The following NAV1 variants were observed in gnomAD, a reference collection of about 807,000 sequenced individuals.
NAV1 encodes neuron navigator 1.
NAV1 carries 18 observed loss-of-function variants against 175.2 expected under a neutral mutation model. The ratio of observed to expected loss-of-function variants is 0.10; its 90% CI spans 0.07 to 0.15. NAV1 has a LOEUF of 0.15. Among genes scored for constraint, NAV1 ranks in the 10% least tolerant of loss-of-function variants. The probability of loss-of-function intolerance (pLI) is 1.00; values close to 1 mark genes in which losing one functional copy is unlikely to be tolerated. For missense variants in NAV1, 1,731 were observed against 2,436.6 expected (o/e 0.71, Z 6.10); for synonymous variants, 897 against 978.7 (o/e 0.92, Z 1.56).
At chr1:201,724,874 C>A (rs923836515) in intron 3 of NAV1, 13 of 152,714 alleles carry the variant, frequency 8.5e-5, no homozygotes, top group African/African-American at 2.9e-4. Context: ...CTTGGGGGCT[C>A]AGAACAGATG....
Position 201,789,745 on chromosome 1 carries a change from G to A in NAV1, c.3172G>A (p.Gly1058Ser), listed in dbSNP as rs755667365. Reference sequence around the variant, plus strand: ...GTGTTCTCCTTCTCTTTCAGTTCACGGCTCAGTGCTGTCCCTGGCCTCCAG... The same window carrying A: ...GTGTTCTCCTTCTCTTTCAGTTCACAGCTCAGTGCTGTCCCTGGCCTCCAG... Residue 1058 changes from glycine (G) to serine (S), a missense_variant, in exon 11 of 30, where the codon GGC (glycine) becomes AGC (serine). Gly to Ser is a moderately conservative substitution (Grantham distance 56). Around this residue, in one of 13 missense-constraint regions of NAV1, gnomAD observed 85 missense variants for 168.7 expected, o/e 0.50. Coordinates refer to ENST00000367296, the Ensembl canonical transcript of NAV1. 6.2e-7 allele frequency: 1 copy of A among 1,613,988 alleles called. No individual in the cohort carries two copies. The highest frequency in any genetic ancestry group is 8.5e-7 in the Non-Finnish European group (1 of 1,179,964).
chr1:201,735,773 T>C (rs1336517416), intron 3 of NAV1, among the ~76,000 whole-genome samples: 3 of 152,220 alleles, frequency 2.0e-5, no homozygotes, highest in Admixed American at 2.0e-4. Flanking sequence ...ATTATTTTCT[T>C]AGACATCTGT....
intron 1 of NAV1, among the ~76,000 whole-genome samples, chr1:201,625,378 C>T (rs1471179072): frequency 1.3e-5 from 2 of 152,050 alleles, no homozygotes; most frequent in African/African-American, 2.4e-5. Context: ...AGAGCAAGAA[C>T]TTTCCAAAAA....
intron 1 of NAV1, among the ~76,000 whole-genome samples, chr1:201,706,413 C>T (rs1160417288): frequency 6.6e-6 from 1 of 152,118 alleles, no homozygotes; most frequent in East Asian, 1.9e-4. Flanking sequence ...TCTGGTGATA[C>T]ATCTCTGTGT....
intron 2 of NAV1, among the ~76,000 whole-genome samples, chr1:201,635,864 A>C (rs1668604925): frequency 6.6e-6 from 1 of 152,206 alleles, no homozygotes; most frequent in Admixed American, 6.5e-5. Context: ...GGTTCTGGGA[A>C]AAAGGACACT....
intron 1 of NAV1, among the ~76,000 whole-genome samples, chr1:201,687,885 A>G (rs760366087): frequency 6.6e-6 from 1 of 152,160 alleles, no homozygotes; most frequent in Non-Finnish European, 1.5e-5. Context: ...TGGGGAATCA[A>G]AGGTTCTCAT....
At chr1:201,557,198 T>C (rs1445893607) in intron 1 of NAV1, among the ~76,000 whole-genome samples, 1 of 152,194 alleles carries the variant, frequency 6.6e-6, no homozygotes, top group Non-Finnish European at 1.5e-5. Flanking sequence ...CCAGATTGGA[T>C]TGCAATTAGT....
At chr1:201,664,036 G>A (rs563885025) in intron 1 of NAV1, among the ~76,000 whole-genome samples, 2 of 152,138 alleles carry the variant, frequency 1.3e-5, no homozygotes, top group Non-Finnish European at 2.9e-5. Context: ...CTAAGTCATC[G>A]TCATTACTCT....
rs1035676687 is a variant in NAV1, at chr1:201,602,689, A to G, written c.-33+14040A>G. 2.3e-5 allele frequency among the ~76,000 whole-genome samples: 3 copies of G among 131,700 alleles called. No individual in the cohort carries two copies. The Admixed American group carries it at 2.6e-4, about 12-fold the overall frequency. The allele number at this position is 131,700 out of a possible 152,430, so 86.4% of individuals were successfully genotyped here. A position where few individuals can be genotyped will look rare whatever the true frequency, so the allele number is the denominator to read the frequency against. Reference sequence around the variant, plus strand: ...TTGGTTTTTTTTTTACCATGAGCTCATCCAGAGTTCTTCAGCCTTGGGCCA... The same window carrying G: ...TTGGTTTTTTTTTTACCATGAGCTCGTCCAGAGTTCTTCAGCCTTGGGCCA... On this transcript the variant is annotated intron_variant, in intron 2 of 33. Transcript: ENST00000685211.
chr1:201,726,922 G>A lies in NAV1; in HGVS notation c.1226+8167G>A, dbSNP rs551500300. ...ATCAACACAGGCATACCACAGATGG[G>A]CAGAGCCATAGCATGGTTTAGAGTG... On this transcript the variant is annotated intron_variant, in intron 3 of 29. Coordinates refer to ENST00000367296, the Ensembl canonical transcript of NAV1. Among the ~76,000 whole-genome samples, 24 of 152,298 alleles carry A rather than the reference G, an allele frequency of 1.6e-4. No individual in the cohort carries two copies. In the East Asian group the frequency reaches 4.4e-3, roughly 28 times the overall value.
At chr1:201,555,862 T>G (rs1571818511) in intron 1 of NAV1, among the ~76,000 whole-genome samples, 6 of 52,360 alleles carry the variant, frequency 1.1e-4, no homozygotes, top group East Asian at 7.1e-4. Context: ...TGAAGGGAGA[T>G]GGGGGGCGGG....
In NAV1 at chr1:201,813,015, A is replaced by G; in HGVS notation, c.5222-125A>G. On this transcript the variant is annotated intron_variant, in intron 27 of 29. Transcript: ENST00000367296. The surrounding 1 kb of genome is among the most constrained non-coding windows in gnomAD (Gnocchi z 4.2). Reference sequence around the variant, plus strand: ...CAGTCAGCACCCACTAGTCTTGACAACTCTAAATTTCCTTTAATCCTTTGA... The same window carrying G: ...CAGTCAGCACCCACTAGTCTTGACAGCTCTAAATTTCCTTTAATCCTTTGA... 1 of 700,418 alleles carries G rather than the reference A, an allele frequency of 1.4e-6. No homozygotes were observed. Among genetic ancestry groups the G allele is most frequent in the Non-Finnish European group, 2.4e-6 (1 of 408,982 alleles). 43.4% of individuals were successfully genotyped at this position (700,418 alleles called of 1,614,324 possible).
chr1:201,649,300 A>C, exon 1 of NAV1: 1 of 1,613,064 alleles, frequency 6.2e-7, no homozygotes. Flanking sequence ...GCCAAGGCGC[A>C]AAAGAGCTCT....
chr1:201,556,965 A>T (rs1358620863), intron 1 of NAV1, among the ~76,000 whole-genome samples: 3 of 152,150 alleles, frequency 2.0e-5, no homozygotes, highest in Admixed American at 6.5e-5. Context: ...GGTGCAAAGG[A>T]GGAAGATGAG....
rs116428526 is a variant in NAV1, at chr1:201,558,073, A to C, written c.-144+18731A>C. The stretch of plus-strand genomic sequence containing the variant: ...CTGTGCGACTTCGTGCATATTATTT[A>C]TCCCCTCAATGTTTTCGTGCTTTGT... On this transcript the variant is annotated intron_variant, in intron 1 of 33. Transcript: ENST00000685211. 1.6e-3 allele frequency among the ~76,000 whole-genome samples: 251 copies of C among 152,304 alleles called. 1 individual carries two copies. The highest frequency in any genetic ancestry group is 5.6e-3 in the African/African-American group (233 of 41,558).
At chr1:201,823,435 T>C (rs1341102960) in exon 30 of NAV1, 2 of 152,550 alleles carry the variant, frequency 1.3e-5, no homozygotes, top group African/African-American at 2.4e-5. Context: ...CTGTTGCTGT[T>C]TCCTACCTTC....
chr1:201,654,643 A>G (rs1669331882), intron 1 of NAV1, among the ~76,000 whole-genome samples: 1 of 152,100 alleles, frequency 6.6e-6, no homozygotes, highest in South Asian at 2.1e-4. Flanking sequence ...CCTCTGCAGC[A>G]CACTGCAATG....
At chr1:201,798,630 A>AAATCATTCC (rs1474162334) in intron 15 of NAV1, 1 of 145,836 alleles carries the variant, frequency 6.9e-6, no homozygotes, top group African/African-American at 2.5e-5. Flanking sequence ...AAAAAAAAAG[A>AAATCATTCC]AATCATTCCA....
chr1:201,750,500 G>A lies in NAV1; in HGVS notation c.1227-29921G>A, dbSNP rs139471374. ...TTCTGGTTAAAATGTTAGTAAAAAC[G>A]ATTGCTCTTCTTAAAAAAGGGCTTG... On this transcript the variant is annotated intron_variant, in intron 3 of 29. Transcript: ENST00000367296. This position sits in a 1 kb window ranked among gnomAD's most constrained non-coding sequence, Gnocchi z 4.1. 7.2e-5 allele frequency among the ~76,000 whole-genome samples: 11 copies of A among 152,078 alleles called. No homozygotes were observed. The highest frequency in any genetic ancestry group is 2.7e-4 in the African/African-American group (11 of 41,416).
Sources: gnomAD v4.1 joint callset for allele counts (sites outside exome capture counted in the v4.1 genomes callset) on GRCh38, gnomAD v4.1.1 for gene constraint, gnomAD v4.1.1 regional missense constraint, Gnocchi (gnomAD v3.1) non-coding constraint, MANE v1.5 for transcripts, NCBI Gene and HGNC (gene_info 2026-07-23, HGNC 2026-07-21) for gene names.